The following RCC2 variants were observed in gnomAD, a reference collection of about 807,000 sequenced individuals.
RCC2 encodes regulator of chromosome condensation 2.
In RCC2, 19 loss-of-function variants were observed where a neutral mutation model predicts 64.1. That is an observed-to-expected ratio of 0.30 (90% CI 0.21 to 0.44). The LOEUF (loss-of-function observed/expected upper bound fraction) is 0.44. Ranked by LOEUF, RCC2 falls within the 20% of genes least tolerant of loss-of-function variation. The pLI is 1.00. For missense variants in RCC2, 508 were observed against 710.4 expected (o/e 0.72, Z 3.24); for synonymous variants, 325 against 279.6 (o/e 1.16, Z -1.62).
intron 2 of RCC2, among the ~76,000 whole-genome samples, chr1:17,430,958 T>C (rs1471095229): frequency 6.6e-6 from 1 of 151,794 alleles, no homozygotes; most frequent in Non-Finnish European, 1.5e-5. Context: ...CCGCAGGTGA[T>C]CCACCCACCT....
rs773772438 is a variant in RCC2 at position 17,413,183 on chromosome 1, G to C, written c.1208-5C>G. On this transcript the variant is annotated splice_polypyrimidine_tract_variant and splice_region_variant and intron_variant, in intron 9 of 12. Coordinates refer to ENST00000375436, the MANE Select transcript of RCC2 (RefSeq NM_018715.4). ...CCCCCCAGAAAAACAGACCACCTAA[G>C]GGAAGACAAAACATGTTCCCAGCGT... 3.1e-6 allele frequency: 5 copies of C among 1,597,350 alleles called. No homozygotes were observed. In the African/African-American group the frequency reaches 6.7e-5, roughly 21 times the overall value.
intron 8 of RCC2, among the ~76,000 whole-genome samples, chr1:17,415,737 A>G (rs1368288599): frequency 1.3e-5 from 2 of 151,330 alleles, no homozygotes; most frequent in Admixed American, 6.6e-5. Context: ...ATACACAAAC[A>G]AAAGATTGCA....
intron 8 of RCC2, among the ~76,000 whole-genome samples, chr1:17,415,451 A>C (rs1484575889): frequency 6.6e-6 from 1 of 152,164 alleles, no homozygotes; most frequent in Non-Finnish European, 1.5e-5. Context: ...GGTGGCTCAC[A>C]CCTATAATCC....
In RCC2 at chr1:17,431,344, A is replaced by AAAAATAAAAAAAAT. The variant is rs2075674217; in HGVS notation, c.286-2146_286-2145insATTTTTTTTATTTT. Among the ~76,000 whole-genome samples, 2 of 70,546 alleles carry AAAAATAAAAAAAAT rather than the reference A, an allele frequency of 2.8e-5. 1 individual carries two copies. The highest frequency in any genetic ancestry group is 6.5e-4 in the East Asian group (2 of 3,062). The allele number at this position is 70,546 out of a possible 152,430, so 46.3% of individuals were successfully genotyped here. ...GCAAGACTCCATCTCAAAAAAAAAA[A>AAAAATAAAAAAAAT]AAAAAAAAAAAAAAAATATATATAT... On this transcript the variant is annotated intron_variant, in intron 2 of 12. Transcript: ENST00000375436.
intron 2 of RCC2, among the ~76,000 whole-genome samples, chr1:17,432,977 GAAA>G (rs1281153366): frequency 6.6e-6 from 1 of 151,274 alleles, no homozygotes; most frequent in Non-Finnish European, 1.5e-5. Context: ...AAAAGAAAAA[GAAA>G]AAGAAAAAAA....
chr1:17,427,462 T>A (rs2075628987), intron 3 of RCC2, among the ~76,000 whole-genome samples: 1 of 152,106 alleles, frequency 6.6e-6, no homozygotes, highest in African/African-American at 2.4e-5. Flanking sequence ...ATGGTCTATA[T>A]TAAAACTTAA....
intron 1 of RCC2, among the ~76,000 whole-genome samples, chr1:17,439,283 C>G (rs2075780089): frequency 6.6e-6 from 1 of 150,736 alleles, no homozygotes. Flanking sequence ...GCAAAGTGTC[C>G]AGGGCCGCCG....
intron 10 of RCC2, 92 bp from the exon 11 acceptor site, chr1:17,412,286 T>A: frequency 8.5e-7 from 1 of 1,183,084 alleles, no homozygotes; most frequent in Non-Finnish European, 1.2e-6. Flanking sequence ...GAGCTGCCAC[T>A]TTTCCCTTGG....
At chr1:17,416,754 C>T in intron 7 of RCC2, 108 bp from the exon 8 acceptor site, 1 of 1,168,654 alleles carries the variant, frequency 8.6e-7, no homozygotes, top group South Asian at 1.6e-5. Context: ...CAATCTGGCC[C>T]TTCTGGGCCT....
At chr1:17,416,712 C>A in intron 7 of RCC2, 66 bp from the exon 8 acceptor site, 1 of 1,529,282 alleles carries the variant, frequency 6.5e-7, no homozygotes, top group Non-Finnish European at 8.8e-7. Flanking sequence ...AGTGTGCTCA[C>A]ACGGACTCTG....
chr1:17,412,068 T>A, intron 11 of RCC2, 54 bp downstream of exon 11: 1 of 1,521,396 alleles, frequency 6.6e-7, no homozygotes, highest in East Asian at 2.3e-5. Flanking sequence ...CCAAAGGCCA[T>A]GAGCCACCCT....
At chr1:17,426,759 C>CTTTTTTTTTTTTTTTTTTTTTTTTTTTTT (rs146347066) in intron 3 of RCC2, among the ~76,000 whole-genome samples, 1 of 110,002 alleles carries the variant, frequency 9.1e-6, no homozygotes, top group Non-Finnish European at 1.8e-5. Context: ...TCTTACTTTT[C>CTTTTTTTTTTTTTTTTTTTTTTTTTTTTT]TTTTTTTTTT....
intron 2 of RCC2, among the ~76,000 whole-genome samples, chr1:17,431,359 A>ATAAATATATATATATATATAT (rs1265674393): frequency 4.5e-5 from 2 of 44,932 alleles, no homozygotes; most frequent in South Asian, 7.3e-4. Context: ...AAAAAAAAAA[A>ATAAATATATATATATATATAT]ATATATATAT....
chr1:17,413,489 C>T (rs372457271), intron 9 of RCC2, 48 bp downstream of exon 9: 290 of 1,582,248 alleles, frequency 1.8e-4, no homozygotes, highest in Non-Finnish European at 1.9e-4. Context: ...AATGGCTACA[C>T]GGTTCCGCAC....
At chr1:17,433,565 G>C (rs2075706174) in intron 2 of RCC2, among the ~76,000 whole-genome samples, 1 of 152,154 alleles carries the variant, frequency 6.6e-6, no homozygotes, top group Admixed American at 6.5e-5. Context: ...TGTGTATAAA[G>C]GCCACGCAGC....
Position 17,438,264 on chromosome 1 carries a change from A to C in RCC2, c.251T>G (p.Val84Gly). 2 of 1,325,854 alleles carry C rather than the reference A, an allele frequency of 1.5e-6. No homozygotes were observed. The allele number at this position is 1,325,854 out of a possible 1,614,324, so 82.1% of individuals were successfully genotyped here. A position where few individuals can be genotyped will look rare whatever the true frequency, so the allele number is the denominator to read the frequency against. Reference protein sequence around the residue: ...TAGKAGGAAVVITEPEHTKER... With the variant: ...TAGKAGGAAVGITEPEHTKER... ...CTTGGTGTGCTCGGGTTCGGTGATGACCACGGCCGCGCCGCCCGCCTTGCC... is the reference window on the plus strand; with the variant it reads ...CTTGGTGTGCTCGGGTTCGGTGATGCCCACGGCCGCGCCGCCCGCCTTGCC... Residue 84 changes from valine to glycine, a missense_variant, in exon 2 of 13, where the codon GTC becomes GGC. Physicochemically the swap from Val to Gly is moderately radical, Grantham distance 109 (BLOSUM62 -3). Around this residue, in one of 4 missense-constraint regions of RCC2, gnomAD observed 195 missense variants for 158.3 expected, o/e 1.23. Transcript: ENST00000375436.
At chr1:17,433,936 T>C (rs77198405) in intron 2 of RCC2, among the ~76,000 whole-genome samples, 16,960 of 152,116 alleles carry the variant, frequency 0.11, 1,042 homozygotes, top group Middle Eastern at 0.2. Context: ...ATTTATTTGC[T>C]CCTTTCAGAT....
In RCC2 at chr1:17,421,289, G is replaced by GA. The variant is rs1375403796; in HGVS notation, c.745-462dup. Among the ~76,000 whole-genome samples the GA allele has an allele frequency of 7.2e-5, 11 of 152,254 alleles. No individual in the cohort carries two copies. In the East Asian group the frequency reaches 1.7e-3, roughly 24 times the overall value. On this transcript the variant is annotated intron_variant, in intron 6 of 12. Transcript: ENST00000375436. Reference sequence around the variant, plus strand: ...AGGCAGGCAGATCAGGAAGTCAAGAGATGGAGACCATCCTGGCCAACATGG... The same window carrying GA: ...AGGCAGGCAGATCAGGAAGTCAAGAGAATGGAGACCATCCTGGCCAACATGG...
intron 1 of RCC2, 144 bp downstream of exon 1, chr1:17,439,401 C>T (rs1473128558): frequency 6.7e-6 from 1 of 149,496 alleles, no homozygotes. Context: ...CACGTGGATC[C>T]GCCTTCCTTC....
Sources: allele counts gnomAD v4.1 joint callset (sites outside exome capture counted in the v4.1 genomes callset), GRCh38; gene constraint gnomAD v4.1.1; regional missense constraint gnomAD v4.1.1; transcripts MANE v1.5; gene names NCBI Gene and HGNC (gene_info 2026-07-23, HGNC 2026-07-21).